KCNC2: variants seen among roughly 807,000 people sequenced by gnomAD.
KCNC2 encodes the protein potassium voltage-gated channel subfamily C member 2.
A neutral mutation model predicts 44.5 loss-of-function variants in KCNC2; 21 were observed. The ratio of observed to expected loss-of-function variants is 0.47; its 90% CI spans 0.33 to 0.68. The LOEUF is 0.68. Among genes scored for constraint, KCNC2 ranks in the 30% least tolerant of loss-of-function variants. KCNC2 has a pLI of 0.01. For synonymous variants in KCNC2, 391 were observed against 339.1 expected, an observed-to-expected ratio of 1.15 and a Z score of -1.68; for missense variants, 589 against 826.2, an observed-to-expected ratio of 0.71 and a Z score of 3.52.
Position 75,041,732 on chromosome 12 carries a change from T to C in KCNC2, c.*1373A>G. The C allele has an allele frequency of 1.0e-6, 1 of 993,236 alleles. No homozygotes were observed. The highest frequency in any genetic ancestry group is 1.2e-6 in the Non-Finnish European group (1 of 834,330). The allele number at this position is 993,236 out of a possible 1,614,324, so 61.5% of individuals were successfully genotyped here. On this transcript the variant is annotated 3_prime_UTR_variant, in exon 5 of 5. Coordinates refer to ENST00000549446, the MANE Select transcript of KCNC2 (RefSeq NM_139137.4). ...CACTGCAGCAGGCAACCAAGTGCAATGGTGAAATTGCTGCTTAAACCCTGC... is the reference window on the plus strand; with the variant it reads ...CACTGCAGCAGGCAACCAAGTGCAACGGTGAAATTGCTGCTTAAACCCTGC...
chr12:75,176,012 G>T (rs1892159144), intron 2 of KCNC2, among the ~76,000 whole-genome samples: 1 of 152,064 alleles, frequency 6.6e-6, no homozygotes, highest in Non-Finnish European at 1.5e-5. Context: ...TTTGTTTGCA[G>T]TGGTATCTGA....
At chr12:75,138,844 G>A (rs1251618711) in intron 2 of KCNC2, among the ~76,000 whole-genome samples, 2 of 151,898 alleles carry the variant, frequency 1.3e-5, no homozygotes, top group African/African-American at 4.8e-5. Context: ...AGCTGGGCGT[G>A]GTGGCGGACG....
intron 2 of KCNC2, among the ~76,000 whole-genome samples, chr12:75,077,056 G>T (rs907779861): frequency 5.3e-5 from 8 of 152,084 alleles, no homozygotes; most frequent in African/African-American, 1.9e-4. Context: ...GCTAATCAAT[G>T]GTTACTACAG....
At chr12:75,106,657 A>G (rs1453133393) in intron 2 of KCNC2, among the ~76,000 whole-genome samples, 2 of 152,156 alleles carry the variant, frequency 1.3e-5, no homozygotes, top group South Asian at 2.1e-4. Context: ...TATTTTCCCA[A>G]TAAGATAGAA....
chr12:75,072,395 A>C (rs1883508444), intron 2 of KCNC2, among the ~76,000 whole-genome samples: 1 of 152,184 alleles, frequency 6.6e-6, no homozygotes, highest in Non-Finnish European at 1.5e-5. Flanking sequence ...TTTAAAAAAA[A>C]TACATTGAAA....
At position 75,173,278 on chromosome 12, in the gene KCNC2, G is replaced by A. The variant is rs530840321; in HGVS notation, c.687+34019C>T. ...GTCAATTATAGTTCTAAAATTACTT[G>A]GTTCTGCATTTCTATGTCTGATATA... On this transcript the variant is annotated intron_variant, in intron 2 of 4. Transcript: ENST00000549446. Among the ~76,000 whole-genome samples, 10 of 151,896 alleles carry A rather than the reference G, an allele frequency of 6.6e-5. No individual in the cohort carries two copies. In the East Asian group the frequency reaches 1.9e-3, roughly 30 times the overall value.
Position 75,041,322 on chromosome 12 carries a change from T to C in KCNC2, c.*1783A>G, listed in dbSNP as rs1023467457. 13 of 1,497,016 alleles carry C rather than the reference T, an allele frequency of 8.7e-6. No individual in the cohort carries two copies. The highest frequency in any genetic ancestry group is 1.2e-5 in the Non-Finnish European group (13 of 1,125,840). 92.7% of individuals were successfully genotyped at this position (1,497,016 alleles called of 1,614,324 possible). A position where few individuals can be genotyped will look rare whatever the true frequency, so the allele number is the denominator to read the frequency against. Reference sequence around the variant, plus strand: ...AAAAGAATCACTGTGTCTCTAAATATCATATATGTATGTCTGGATAAATAC... The same window carrying C: ...AAAAGAATCACTGTGTCTCTAAATACCATATATGTATGTCTGGATAAATAC... On this transcript the variant is annotated 3_prime_UTR_variant, in exon 5 of 5. Coordinates refer to ENST00000549446, the MANE Select transcript of KCNC2 (RefSeq NM_139137.4).
chr12:75,145,324 T>TTAAAATGCCTGG (rs1889943059), intron 2 of KCNC2, among the ~76,000 whole-genome samples: 1 of 152,180 alleles, frequency 6.6e-6, no homozygotes, highest in Non-Finnish European at 1.5e-5. Flanking sequence ...AATCCCAAGT[T>TTAAAATGCCTGG]TAAAATGCCT....
chr12:75,107,064 G>T (rs1037774526), intron 2 of KCNC2, among the ~76,000 whole-genome samples: 7 of 152,084 alleles, frequency 4.6e-5, no homozygotes, highest in African/African-American at 9.7e-5. Flanking sequence ...CAGCACTTTG[G>T]GGGGCTGAGG....
At chr12:75,107,120 T>C (rs1021313908) in intron 2 of KCNC2, among the ~76,000 whole-genome samples, 2 of 152,052 alleles carry the variant, frequency 1.3e-5, no homozygotes, top group African/African-American at 2.4e-5. Context: ...CTAGCTAACA[T>C]GGTGAAACCC....
At chr12:75,178,605 C>G (rs1892352271) in intron 2 of KCNC2, among the ~76,000 whole-genome samples, 1 of 152,030 alleles carries the variant, frequency 6.6e-6, no homozygotes, top group Non-Finnish European at 1.5e-5. Flanking sequence ...ACTGTGTAAA[C>G]TACAACTATT....
chr12:75,084,269 T>TAGATAGATAGATAGATAGA (rs1555207730), intron 2 of KCNC2, among the ~76,000 whole-genome samples: 2 of 120,862 alleles, frequency 1.7e-5, no homozygotes, highest in African/African-American at 7.2e-5. Flanking sequence ...GATAGATAGA[T>TAGATAGATAGATAGATAGA]TAGATAGATA....
At chr12:75,139,403 G>A (rs1889480482) in intron 2 of KCNC2, among the ~76,000 whole-genome samples, 1 of 152,218 alleles carries the variant, frequency 6.6e-6, no homozygotes, top group Non-Finnish European at 1.5e-5. Context: ...TGTGAGCGAT[G>A]CTCTGCTTTA....
intron 2 of KCNC2, among the ~76,000 whole-genome samples, chr12:75,060,500 C>G (rs140995949): frequency 3.3e-5 from 5 of 152,158 alleles, no homozygotes; most frequent in Non-Finnish European, 7.4e-5. Flanking sequence ...AGGTCTCTCT[C>G]TGTTGCCCAA....
chr12:75,106,774 T>C (rs1345336607), intron 2 of KCNC2, among the ~76,000 whole-genome samples: 1 of 152,198 alleles, frequency 6.6e-6, no homozygotes, highest in Non-Finnish European at 1.5e-5. Flanking sequence ...ATAATTTAAA[T>C]ATTATTCTTA....
intron 2 of KCNC2, among the ~76,000 whole-genome samples, chr12:75,065,625 A>G (rs7488864): frequency 1.3e-5 from 2 of 152,096 alleles, no homozygotes; most frequent in Non-Finnish European, 2.9e-5. Flanking sequence ...AGTATTCAAT[A>G]CAATAACATG....
At chr12:75,099,078 AACAC>A (rs1377771109) in intron 2 of KCNC2, among the ~76,000 whole-genome samples, 1 of 152,188 alleles carries the variant, frequency 6.6e-6, no homozygotes, top group Non-Finnish European at 1.5e-5. Context: ...CTTATCTAAA[AACAC>A]ACATCTTAAA....
Position 75,043,026 on chromosome 12 carries a change from A to G in KCNC2, c.*79T>C. On this transcript the variant is annotated 3_prime_UTR_variant, in exon 5 of 5. Transcript: ENST00000549446. ...TTAATGGAGCCTGGAGTAACTCTAC[A>G]TTTAATTATTTCCATTATGGGGTAA... 1 of 1,580,042 alleles carries G rather than the reference A, an allele frequency of 6.3e-7. No individual in the cohort carries two copies.
At chr12:75,129,341 C>A (rs1888667666) in intron 2 of KCNC2, among the ~76,000 whole-genome samples, 1 of 152,188 alleles carries the variant, frequency 6.6e-6, no homozygotes, top group African/African-American at 2.4e-5. Flanking sequence ...AATAAATTAA[C>A]AAACATCCAG....
Sources: allele counts gnomAD v4.1 joint callset (sites outside exome capture counted in the v4.1 genomes callset), GRCh38; gene constraint gnomAD v4.1.1; transcripts MANE v1.5; gene names NCBI Gene and HGNC (gene_info 2026-07-23, HGNC 2026-07-21).